The following GLIS3 variants were observed in gnomAD, a reference collection of about 807,000 sequenced individuals.
The protein encoded by GLIS3 is zinc finger protein GLIS3.
A neutral mutation model predicts 78.6 loss-of-function variants in GLIS3; 53 were observed. The ratio of observed to expected loss-of-function variants is 0.67; its 90% CI spans 0.54 to 0.85. GLIS3 has a LOEUF of 0.85. Ranked by LOEUF, GLIS3 falls within the 40% of genes least tolerant of loss-of-function variation. The pLI, the probability that GLIS3 is intolerant of heterozygous loss-of-function variation, is 0.00. For missense variants in GLIS3, 1,703 were observed against 1,231.1 expected (o/e 1.38, Z -5.74); for synonymous variants, 684 against 509.9 (o/e 1.34, Z -4.60).
intron 4 of GLIS3, among the ~76,000 whole-genome samples, chr9:4,025,770 A>T (rs1028969791): frequency 1.3e-5 from 2 of 152,212 alleles, no homozygotes; most frequent in African/African-American, 4.8e-5. Context: ...GATAGGCCAC[A>T]GAGGTCTTAT....
intron 7 of GLIS3, among the ~76,000 whole-genome samples, chr9:3,896,241 T>C (rs568224537): frequency 3.3e-4 from 50 of 152,324 alleles, no homozygotes; most frequent in African/African-American, 1.1e-3. Flanking sequence ...AATTTTTGTT[T>C]TGTAATTTTT....
chr9:4,470,555 T>TG, the GLIS3 span, among the ~76,000 whole-genome samples: 1 of 143,366 alleles, frequency 7.0e-6, no homozygotes, highest in African/African-American at 2.6e-5. Context: ...AATTCAACAA[T>TG]CTTCATGCTA....
intron 10 of GLIS3, among the ~76,000 whole-genome samples, 155 bp from the exon 11 acceptor site, chr9:3,828,563 G>C (rs1252793959): frequency 6.6e-6 from 1 of 152,194 alleles, no homozygotes; most frequent in Non-Finnish European, 1.5e-5. Flanking sequence ...TGTTTCCAGC[G>C]ACCTTAGTGA....
intron 4 of GLIS3, among the ~76,000 whole-genome samples, chr9:4,051,661 A>T: frequency 6.6e-6 from 1 of 152,216 alleles, no homozygotes; most frequent in East Asian, 1.9e-4. Context: ...GTTTGTTTTT[A>T]AAAAAGAACA....
chr9:4,118,487 T>A lies in GLIS3; in HGVS notation c.991A>T (p.Ile331Phe). ...GCCGGCGAAGCCCTCGACCCGTTGATGTAGGCCACCAAGGACGTGGGCGAC... is the reference window on the plus strand; with the variant it reads ...GCCGGCGAAGCCCTCGACCCGTTGAAGTAGGCCACCAAGGACGTGGGCGAC... ...RTSPTSLVAY[I>F]NGSRASPANL... is the part of the protein sequence containing the mutation. Residue 331 changes from isoleucine to phenylalanine, a missense_variant, in exon 4 of 11, where the codon ATC becomes TTC. Physicochemically the swap from Ile to Phe is conservative, Grantham distance 21. Transcript: ENST00000381971. This position sits in a 1 kb window ranked among gnomAD's most constrained non-coding sequence, Gnocchi z 4.7. 1 of 1,614,140 alleles carries A rather than the reference T, an allele frequency of 6.2e-7. No individual in the cohort carries two copies. The highest frequency in any genetic ancestry group is 8.5e-7 in the Non-Finnish European group (1 of 1,180,010).
At chr9:4,255,162 T>C (rs1417483235) in intron 2 of GLIS3, among the ~76,000 whole-genome samples, 2 of 152,300 alleles carry the variant, frequency 1.3e-5, no homozygotes, top group South Asian at 2.1e-4. Context: ...AATAGTGAGA[T>C]ACCATTACAC....
At chr9:4,360,572 G>A in the GLIS3 span, among the ~76,000 whole-genome samples, 1 of 152,196 alleles carries the variant, frequency 6.6e-6, no homozygotes, top group Admixed American at 6.5e-5. Flanking sequence ...ACCTTAACTC[G>A]ATGAGTTGAT....
chr9:4,448,190 C>T, the GLIS3 span, among the ~76,000 whole-genome samples: 1 of 152,262 alleles, frequency 6.6e-6, no homozygotes, highest in South Asian at 2.1e-4. Flanking sequence ...ATCTCCTTAG[C>T]TGCAGATATA....
At chr9:4,284,344 A>C (rs1827801670) in intron 2 of GLIS3, among the ~76,000 whole-genome samples, 2 of 152,192 alleles carry the variant, frequency 1.3e-5, no homozygotes, top group Non-Finnish European at 2.9e-5. Context: ...GATTGCAAAC[A>C]CAAGTACATA....
Position 4,004,116 on chromosome 9 carries a change from A to G in GLIS3, c.1711-66927T>C, listed in dbSNP as rs1471085546. ...CTTGTGAATTTCAGATTCTTATTCA[A>G]GTAACAGACATGAACAAATAAATAT... On this transcript the variant is annotated intron_variant, in intron 4 of 10. Coordinates refer to ENST00000381971, the MANE Select transcript of GLIS3 (RefSeq NM_001042413.2). Among the ~76,000 whole-genome samples the G allele has an allele frequency of 3.9e-5, 6 of 152,236 alleles. No individual in the cohort carries two copies. In the East Asian group the frequency reaches 1.2e-3, roughly 29 times the overall value.
At chr9:4,247,194 A>C (rs545700750) in intron 2 of GLIS3, among the ~76,000 whole-genome samples, 2 of 152,292 alleles carry the variant, frequency 1.3e-5, no homozygotes, top group African/African-American at 4.8e-5. Flanking sequence ...TACATTTCAC[A>C]ACTACTTGAA....
chr9:3,863,438 G>A (rs140853624), intron 8 of GLIS3, among the ~76,000 whole-genome samples: 2 of 151,916 alleles, frequency 1.3e-5, no homozygotes, highest in Admixed American at 6.5e-5. Flanking sequence ...ACTGGGGCAG[G>A]ACTGGGGCAG....
chr9:3,913,150 CTG>C (rs1265783846), intron 6 of GLIS3, among the ~76,000 whole-genome samples: 30 of 152,302 alleles, frequency 2.0e-4, no homozygotes, highest in African/African-American at 7.0e-4. Context: ...GAGGGACTCA[CTG>C]TAAAAGTCAG....
the GLIS3 span, among the ~76,000 whole-genome samples, chr9:4,418,606 G>A: frequency 6.6e-6 from 1 of 152,208 alleles, no homozygotes; most frequent in South Asian, 2.1e-4. Flanking sequence ...GGCTGAGGCA[G>A]GAGAATCACT....
the GLIS3 span, among the ~76,000 whole-genome samples, chr9:4,386,057 C>A: frequency 6.6e-6 from 1 of 152,182 alleles, no homozygotes; most frequent in South Asian, 2.1e-4. Context: ...CAAACTACCT[C>A]TGGGGTGAGA....
intron 6 of GLIS3, among the ~76,000 whole-genome samples, chr9:3,931,484 G>A (rs1381314123): frequency 6.6e-6 from 1 of 152,064 alleles, no homozygotes; most frequent in Non-Finnish European, 1.5e-5. Flanking sequence ...GCCCTCAAAT[G>A]AATCAGGAAC....
intron 2 of GLIS3, among the ~76,000 whole-genome samples, chr9:4,153,176 T>C (rs975557704): frequency 3.3e-5 from 5 of 152,214 alleles, no homozygotes; most frequent in African/African-American, 9.6e-5. Flanking sequence ...ACTGAATTAA[T>C]GCAAAGTCCT....
chr9:3,881,649 C>T (rs2130477959), intron 7 of GLIS3, among the ~76,000 whole-genome samples: 1 of 152,302 alleles, frequency 6.6e-6, no homozygotes, highest in Admixed American at 6.5e-5. Context: ...CAGGAAAAAC[C>T]ATCCATCATC....
chr9:4,272,367 C>T (rs1048591348), intron 2 of GLIS3, among the ~76,000 whole-genome samples: 1 of 152,098 alleles, frequency 6.6e-6, no homozygotes, highest in African/African-American at 2.4e-5. Flanking sequence ...TCCCAATTGC[C>T]AAGAACCTAA....
Sources: allele counts gnomAD v4.1 joint callset (sites outside exome capture counted in the v4.1 genomes callset), GRCh38; gene constraint gnomAD v4.1.1; non-coding constraint Gnocchi (gnomAD v3.1); transcripts MANE v1.5; gene names NCBI Gene and HGNC (gene_info 2026-07-23, HGNC 2026-07-21).